The following CEP63 variants were observed in gnomAD, a reference collection of about 807,000 sequenced individuals.
CEP63 encodes the protein centrosomal protein of 63 kDa.
A neutral mutation model predicts 89.1 loss-of-function variants in CEP63; 84 were observed. The ratio of observed to expected loss-of-function variants is 0.94; its 90% CI spans 0.79 to 1.13. The LOEUF is 1.13. Among genes scored for constraint, CEP63 ranks in the 50% most tolerant of loss-of-function variants. The probability of loss-of-function intolerance (pLI) is 0.00; values close to 1 mark genes in which losing one functional copy is unlikely to be tolerated. For synonymous variants in CEP63, 267 were observed against 272.5 expected, an observed-to-expected ratio of 0.98 and a Z score of 0.20; for missense variants, 838 against 813.3, an observed-to-expected ratio of 1.03 and a Z score of -0.37.
chr3:134,558,392 A>G (rs781026319), intron 13 of CEP63, 45 bp downstream of exon 13: 2 of 1,224,264 alleles, frequency 1.6e-6, no homozygotes, highest in South Asian at 1.3e-5. Context: ...TTGGTACAAT[A>G]TAATTCTCAT....
chr3:134,594,356 G>C, the CEP63 span, among the ~76,000 whole-genome samples: 1 of 152,052 alleles, frequency 6.6e-6, no homozygotes, highest in Non-Finnish European at 1.5e-5. Context: ...CACCATAAAG[G>C]GGGACGTCAC....
chr3:134,714,055 C>T, the CEP63 span, among the ~76,000 whole-genome samples: 2 of 152,160 alleles, frequency 1.3e-5, no homozygotes, highest in Non-Finnish European at 1.5e-5. Context: ...CACCAGCACC[C>T]TCTATGGCAG....
Position 134,537,211 on chromosome 3 carries a change from G to A in CEP63, c.498G>A (p.Gln166=), listed in dbSNP as rs758803843. The change falls in exon 6 of 15, where the codon CAG becomes CAA. Residue 166 remains glutamine, a synonymous_variant. Coordinates refer to ENST00000675561, the MANE Select transcript of CEP63 (RefSeq NM_001353108.3). ...AGCAACGCTTGATTTATCAGCAACA[G>A]GTATCTTCACTGGAGGCACAAAGGA... The part of the protein sequence containing the change: ...WEKQRLIYQQ[Q]VSSLEAQRKA... 1.9e-6 allele frequency: 3 copies of A among 1,613,918 alleles called. No homozygotes were observed. The highest frequency in any genetic ancestry group is 2.5e-6 in the Non-Finnish European group (3 of 1,179,920).
chr3:134,589,283 G>A (rs1427774655), downstream of CEP63, among the ~76,000 whole-genome samples: 1 of 152,136 alleles, frequency 6.6e-6, no homozygotes. Flanking sequence ...GAATATAGAT[G>A]TTAAAGCCCT....
rs1274958246 is a variant in CEP63 at position 134,547,397 on chromosome 3, G to C, written c.992G>C (p.Ser331Thr). The change falls in exon 9 of 15, where the codon AGT becomes ACT. Residue 331 changes from serine to threonine, a missense_variant. By Grantham distance (58) the Ser-to-Thr change is moderately conservative. Coordinates refer to ENST00000675561, the MANE Select transcript of CEP63 (RefSeq NM_001353108.3). ...TCTCAAGGGCAGGGGGACTTAGACAGTGTGCTCTCCCAGTTGAATTTTACC... is the reference window on the plus strand; with the variant it reads ...TCTCAAGGGCAGGGGGACTTAGACACTGTGCTCTCCCAGTTGAATTTTACC... ...YTSQGQGDLD[S>T]VLSQLNFTHT... 2 of 1,613,634 alleles carry C rather than the reference G, an allele frequency of 1.2e-6. No homozygotes were observed. Among genetic ancestry groups the C allele is most frequent in the East Asian group, 2.2e-5 (1 of 44,868 alleles).
In CEP63 at chr3:134,495,351, C is replaced by T. The variant is rs763001827; in HGVS notation, c.31C>T (p.Arg11Ter). The change falls in exon 2 of 15, where the codon CGA becomes TGA. Residue 11 changes from arginine to a stop codon, truncating the protein, a stop_gained. Transcript: ENST00000675561. LOFTEE classifies it high-confidence loss of function. Reference sequence around the variant, plus strand: ...GGCTTTGTTAGAAGGAATACAAAATCGAGGGCATGGTGGGTAAGTTTGCTT... The same window carrying T: ...GGCTTTGTTAGAAGGAATACAAAATTGAGGGCATGGTGGGTAAGTTTGCTT... MEALLEGIQN[R>*]GHGGGFLTSC... 30 of 1,612,752 alleles carry T rather than the reference C, an allele frequency of 1.9e-5. No individual in the cohort carries two copies. The highest frequency in any genetic ancestry group is 1.3e-4 in the African/African-American group (10 of 74,812).
the CEP63 span, among the ~76,000 whole-genome samples, chr3:134,626,370 C>T: frequency 2.0e-5 from 3 of 152,172 alleles, no homozygotes; most frequent in Non-Finnish European, 4.4e-5. Flanking sequence ...CTGACTTCCA[C>T]CTTGCTGGGA....
At chr3:134,690,249 G>A in the CEP63 span, among the ~76,000 whole-genome samples, 1 of 152,098 alleles carries the variant, frequency 6.6e-6, no homozygotes, top group Non-Finnish European at 1.5e-5. Flanking sequence ...ATAAATTGCT[G>A]GGAAGATAAA....
chr3:134,722,153 G>A, the CEP63 span, among the ~76,000 whole-genome samples: 3 of 152,006 alleles, frequency 2.0e-5, no homozygotes, highest in Non-Finnish European at 4.4e-5. Context: ...GTCTTTACTT[G>A]TTATAGGTCT....
intron 10 of CEP63, among the ~76,000 whole-genome samples, 155 bp downstream of exon 10, chr3:134,549,331 G>C (rs1357539582): frequency 7.2e-5 from 11 of 152,134 alleles, no homozygotes; most frequent in Non-Finnish European, 2.9e-5. Context: ...AATGTGCATA[G>C]GGAAAGTGCC....
rs944774559 is a variant in CEP63 at position 134,551,970 on chromosome 3, T to A, written c.1425T>A (p.His475Gln). Residue 475 changes from histidine to glutamine, a missense_variant, in exon 12 of 15, where the codon CAT (histidine) becomes CAA (glutamine). By Grantham distance (24) the His-to-Gln change is conservative. Coordinates refer to ENST00000675561, the MANE Select transcript of CEP63 (RefSeq NM_001353108.3). Reference sequence around the variant, plus strand: ...AGTCACTCAAATTAGAAAATCGTCATCTTTCTGAAATGGTGATGAAATTGG... The same window carrying A: ...AGTCACTCAAATTAGAAAATCGTCAACTTTCTGAAATGGTGATGAAATTGG... Reference protein sequence around the residue: ...QLESLKLENRHLSEMVMKLEL... With the variant: ...QLESLKLENRQLSEMVMKLEL... 6.2e-7 allele frequency: 1 copy of A among 1,609,462 alleles called. No individual in the cohort carries two copies. The highest frequency in any genetic ancestry group is 8.5e-7 in the Non-Finnish European group (1 of 1,177,190).
chr3:134,777,967 AAC>A, the CEP63 span, among the ~76,000 whole-genome samples: 14 of 151,416 alleles, frequency 9.2e-5, no homozygotes, highest in Admixed American at 4.6e-4. Context: ...CAGAATAAAT[AAC>A]ACACACACAC....
intron 5 of CEP63, among the ~76,000 whole-genome samples, chr3:134,534,066 T>C (rs1329799615): frequency 6.6e-6 from 1 of 152,156 alleles, no homozygotes; most frequent in Admixed American, 6.5e-5. Context: ...TTGATTTTCA[T>C]GTTACCAGCC....
chr3:134,752,383 C>T, the CEP63 span, among the ~76,000 whole-genome samples: 1 of 152,140 alleles, frequency 6.6e-6, no homozygotes, highest in African/African-American at 2.4e-5. Flanking sequence ...GAGCTGCGTG[C>T]ATGATACATG....
the CEP63 span, among the ~76,000 whole-genome samples, chr3:134,688,193 A>G: frequency 1.3e-5 from 2 of 152,224 alleles, no homozygotes; most frequent in African/African-American, 4.8e-5. Flanking sequence ...ATGTAGAAAC[A>G]AAATGTGGTA....
the CEP63 span, among the ~76,000 whole-genome samples, chr3:134,772,442 G>A: frequency 2.0e-5 from 3 of 152,080 alleles, no homozygotes; most frequent in African/African-American, 7.2e-5. Flanking sequence ...CAGTCACTTT[G>A]GGGGTGAGCC....
At chr3:134,548,449 T>C (rs558318501) in intron 9 of CEP63, among the ~76,000 whole-genome samples, 4 of 152,230 alleles carry the variant, frequency 2.6e-5, no homozygotes, top group Non-Finnish European at 5.9e-5. Flanking sequence ...GTCGTACTTA[T>C]AGAATTTTTT....
At chr3:134,767,987 A>G in the CEP63 span, among the ~76,000 whole-genome samples, 1 of 152,192 alleles carries the variant, frequency 6.6e-6, no homozygotes, top group Non-Finnish European at 1.5e-5. Flanking sequence ...AGGCAGAGAG[A>G]CAGCTAGAGC....
At chr3:134,600,971 G>A in the CEP63 span, 3 of 152,230 alleles carry the variant, frequency 2.0e-5, no homozygotes, top group East Asian at 3.9e-4. Flanking sequence ...CCCGGTGATA[G>A]ATCAGCCTCG....
Sources: allele counts gnomAD v4.1 joint callset (sites outside exome capture counted in the v4.1 genomes callset), GRCh38; gene constraint gnomAD v4.1.1; transcripts MANE v1.5; gene names NCBI Gene and HGNC (gene_info 2026-07-23, HGNC 2026-07-21).